Variants in LAMA2 observed in about 807,000 individuals in gnomAD.
The protein encoded by LAMA2 is laminin subunit alpha 2, also known as laminin subunit alpha-2.
A neutral mutation model predicts 364.8 loss-of-function variants in LAMA2; 269 were observed. The observed-to-expected ratio is 0.74, with a 90% confidence interval of 0.67 to 0.82. The LOEUF is 0.82. LAMA2 is among the 40% of genes least tolerant of loss of function. The pLI, the probability that LAMA2 is intolerant of heterozygous loss-of-function variation, is 0.00. For synonymous variants in LAMA2, 1,379 were observed against 1,370.6 expected, an observed-to-expected ratio of 1.01 and a Z score of -0.14; for missense variants, 3,807 against 3,873.2, an observed-to-expected ratio of 0.98 and a Z score of 0.45.
At chr6:129,204,105 C>T (rs1319629056) in intron 12 of LAMA2, among the ~76,000 whole-genome samples, 2 of 152,128 alleles carry the variant, frequency 1.3e-5, no homozygotes, top group Non-Finnish European at 2.9e-5. Flanking sequence ...AATTGACAAT[C>T]AGAGAGAGTT....
chr6:129,241,701 T>C (rs988231097), intron 12 of LAMA2, among the ~76,000 whole-genome samples: 11 of 152,174 alleles, frequency 7.2e-5, no homozygotes, highest in Non-Finnish European at 1.5e-4. Context: ...GACTCCAATA[T>C]TAACAGACAT....
chr6:129,185,799 CAATGGAAA>C (rs1781193841), intron 10 of LAMA2, among the ~76,000 whole-genome samples: 1 of 151,550 alleles, frequency 6.6e-6, no homozygotes, highest in Non-Finnish European at 1.5e-5. Context: ...GGATTATTTA[CAATGGAAA>C]AATGACTATT....
chr6:129,270,854 TAAA>T, intron 17 of LAMA2, 103 bp downstream of exon 17: 1 of 1,232,404 alleles, frequency 8.1e-7, no homozygotes, highest in Non-Finnish European at 1.2e-6. Flanking sequence ...AAATAAATAA[TAAA>T]CACAGACATG....
intron 1 of LAMA2, among the ~76,000 whole-genome samples, chr6:128,899,612 C>A (rs73773538): frequency 0.011 from 1,607 of 152,102 alleles, 35 homozygotes; most frequent in African/African-American, 0.037. Context: ...ACTTTTTCCC[C>A]CTGATCCTTT....
At chr6:129,098,091 G>A (rs1775291871) in intron 3 of LAMA2, 82 bp from the exon 4 acceptor site, 3 of 1,373,834 alleles carry the variant, frequency 2.2e-6, no homozygotes, top group African/African-American at 1.4e-5. Context: ...AAAATCTACT[G>A]TAGCATTTAG....
chr6:129,311,323 A>G (rs969427796), intron 22 of LAMA2, among the ~76,000 whole-genome samples: 2 of 151,898 alleles, frequency 1.3e-5, no homozygotes, highest in African/African-American at 2.4e-5. Context: ...GGGTTTCACC[A>G]TGTTAGCCAG....
At chr6:129,292,999 C>G in intron 20 of LAMA2, 1 of 985,924 alleles carries the variant, frequency 1.0e-6, no homozygotes, top group African/African-American at 1.7e-5. Flanking sequence ...GTGCTGGGTT[C>G]TCCTCAGAGG....
chr6:129,041,952 T>A (rs1433533607), intron 1 of LAMA2, among the ~76,000 whole-genome samples: 4 of 149,400 alleles, frequency 2.7e-5, no homozygotes, highest in African/African-American at 9.9e-5. Flanking sequence ...TGAAGTATTA[T>A]AATCATGCTA....
intron 12 of LAMA2, among the ~76,000 whole-genome samples, chr6:129,247,270 C>G (rs1051894281): frequency 1.3e-5 from 2 of 151,794 alleles, no homozygotes; most frequent in Non-Finnish European, 2.9e-5. Context: ...GCCAACATGG[C>G]GAAATCCCAT....
chr6:129,266,182 A>G (rs546607231), intron 15 of LAMA2, among the ~76,000 whole-genome samples: 2 of 151,996 alleles, frequency 1.3e-5, no homozygotes, highest in African/African-American at 4.8e-5. Flanking sequence ...ACAAGATGCA[A>G]TTTCACTGGA....
At position 129,192,799 on chromosome 6, in the gene LAMA2, A is replaced by G. The variant is rs748189857; in HGVS notation, c.1728A>G (p.Gln576=). 1.1e-5 allele frequency: 17 copies of G among 1,614,078 alleles called. No homozygotes were observed. The highest frequency in any genetic ancestry group is 1.6e-4 in the Middle Eastern group (1 of 6,084). The change falls in exon 12 of 65, where the codon CAA becomes CAG. Residue 576 remains glutamine (Q), a synonymous_variant. Coordinates refer to ENST00000421865, the MANE Select transcript of LAMA2 (RefSeq NM_000426.4). ...GCATCAGTAACGCGGAGGCCCGGCA[A>G]GCCCTGCCGCACAGCTACTACTGGA... is the stretch of plus-strand genomic sequence containing the variant. ...QISISNAEAR[Q]ALPHSYYWSA... is the part of the protein sequence containing the mutation.
At chr6:129,233,583 G>C (rs943486748) in intron 12 of LAMA2, among the ~76,000 whole-genome samples, 10 of 152,114 alleles carry the variant, frequency 6.6e-5, no homozygotes, top group Non-Finnish European at 1.5e-5. Context: ...GTCTTCATCT[G>C]CATCATCTTC....
intron 1 of LAMA2, among the ~76,000 whole-genome samples, chr6:128,983,083 G>A (rs1251191535): frequency 1.3e-5 from 2 of 151,872 alleles, no homozygotes; most frequent in East Asian, 1.9e-4. Flanking sequence ...ACGTGTGCAT[G>A]TGTCTTTATA....
chr6:129,389,329 A>G, intron 35 of LAMA2, among the ~76,000 whole-genome samples: 1 of 152,192 alleles, frequency 6.6e-6, no homozygotes, highest in Non-Finnish European at 1.5e-5. Context: ...GTGCCTTATA[A>G]CTGAAATGCA....
chr6:129,210,757 A>G (rs1309962254), intron 12 of LAMA2, among the ~76,000 whole-genome samples: 4 of 152,234 alleles, frequency 2.6e-5, no homozygotes, highest in Admixed American at 2.0e-4. Context: ...AATCCTAATT[A>G]GAACACCCAA....
chr6:129,053,800 G>A (rs1788266932), intron 2 of LAMA2, among the ~76,000 whole-genome samples: 1 of 152,118 alleles, frequency 6.6e-6, no homozygotes, highest in Non-Finnish European at 1.5e-5. Context: ...AGAAGAAGAG[G>A]GGACTATAGA....
intron 34 of LAMA2, among the ~76,000 whole-genome samples, chr6:129,372,243 C>G (rs548672729): frequency 6.6e-6 from 1 of 152,084 alleles, no homozygotes; most frequent in Non-Finnish European, 1.5e-5. Context: ...ATGTGTCCAC[C>G]GTTGTTGTAA....
chr6:129,402,823 C>T (rs1005029643), intron 39 of LAMA2, among the ~76,000 whole-genome samples: 1 of 152,176 alleles, frequency 6.6e-6, no homozygotes, highest in Non-Finnish European at 1.5e-5. Context: ...TATGAAAATA[C>T]ATTCTGTTTC....
In LAMA2 at chr6:129,183,335, C is replaced by T. The variant is rs959748650; in HGVS notation, c.1467+5469C>T. On this transcript the variant is annotated intron_variant, in intron 10 of 64. Coordinates refer to ENST00000421865, the MANE Select transcript of LAMA2 (RefSeq NM_000426.4). ...GAATCTCACACATAATATAAATTGA[C>T]ATTGATCTAGTTAGGAACATGTGCT... is the stretch of plus-strand genomic sequence containing the variant. 2.0e-5 allele frequency among the ~76,000 whole-genome samples: 3 copies of T among 152,014 alleles called. No homozygotes were observed. In the East Asian group the frequency reaches 5.8e-4, roughly 29 times the overall value.
Sources: gnomAD v4.1 joint callset for allele counts (sites outside exome capture counted in the v4.1 genomes callset) on GRCh38, gnomAD v4.1.1 for gene constraint, MANE v1.5 for transcripts, NCBI Gene and HGNC (gene_info 2026-07-23, HGNC 2026-07-21) for gene names.